SLC24A2: variants seen among roughly 807,000 people sequenced by gnomAD.
The protein encoded by SLC24A2 is solute carrier family 24 member 2.
A neutral mutation model predicts 62.0 loss-of-function variants in SLC24A2; 36 were observed. The ratio of observed to expected loss-of-function variants is 0.58; its 90% CI spans 0.44 to 0.77. The LOEUF (loss-of-function observed/expected upper bound fraction) is 0.77, where lower values mean the gene tolerates loss of function less well. Among genes scored for constraint, SLC24A2 ranks in the 30% least tolerant of loss-of-function variants. The probability of loss-of-function intolerance (pLI) is 0.00; values close to 1 mark genes in which losing one functional copy is unlikely to be tolerated. For synonymous variants in SLC24A2, 358 were observed against 294.0 expected (o/e 1.22, Z -2.23); for missense variants, 846 against 817.9 (o/e 1.03, Z -0.42).
chr9:19,881,029 A>G, the SLC24A2 span, among the ~76,000 whole-genome samples: 4 of 152,322 alleles, frequency 2.6e-5, no homozygotes, highest in African/African-American at 7.2e-5. Flanking sequence ...GTTGAGGATC[A>G]TAATAGAAAC....
chr9:19,565,909 T>C (rs528742661), intron 7 of SLC24A2, among the ~76,000 whole-genome samples: 2,645 of 143,186 alleles, frequency 0.018, 131 homozygotes, highest in African/African-American at 0.076. Flanking sequence ...ACTGGCTCGC[T>C]ATATATAGAA....
At chr9:19,535,493 G>A (rs186280274) in intron 8 of SLC24A2, among the ~76,000 whole-genome samples, 4,744 of 152,106 alleles carry the variant, frequency 0.031, 227 homozygotes, top group African/African-American at 0.11. Context: ...TAGGTCTTAA[G>A]GTGGAGTCTT....
the SLC24A2 span, among the ~76,000 whole-genome samples, chr9:19,836,706 G>T: frequency 6.6e-6 from 1 of 152,114 alleles, no homozygotes; most frequent in East Asian, 1.9e-4. Flanking sequence ...GAAAAAGAGG[G>T]AATCCTCCCT....
At chr9:19,524,137 C>CA (rs57173482) in intron 9 of SLC24A2, among the ~76,000 whole-genome samples, 31,400 of 84,696 alleles carry the variant, frequency 0.37, 5,843 homozygotes, top group East Asian at 0.46. Context: ...ACTTCATTTT[C>CA]AAAAAAAAAA....
intron 2 of SLC24A2, among the ~76,000 whole-genome samples, chr9:19,702,792 G>C (rs1327149995): frequency 6.6e-6 from 1 of 152,092 alleles, no homozygotes; most frequent in Non-Finnish European, 1.5e-5. Flanking sequence ...TATTTAAAAA[G>C]TGAACTTCAT....
chr9:20,161,833 T>A, the SLC24A2 span, among the ~76,000 whole-genome samples: 1 of 151,282 alleles, frequency 6.6e-6, no homozygotes, highest in Non-Finnish European at 1.5e-5. Flanking sequence ...TATATCTTAG[T>A]TAATGAGGAT....
chr9:20,150,464 G>T, the SLC24A2 span, among the ~76,000 whole-genome samples: 1 of 151,820 alleles, frequency 6.6e-6, no homozygotes, highest in Non-Finnish European at 1.5e-5. Context: ...CATTGAATAG[G>T]TTATAAGACA....
At chr9:20,106,929 T>G in the SLC24A2 span, among the ~76,000 whole-genome samples, 4 of 152,228 alleles carry the variant, frequency 2.6e-5, no homozygotes, top group East Asian at 5.8e-4. Context: ...GCAGACGACA[T>G]GATTGTGTAT....
chr9:19,921,264 C>T, the SLC24A2 span, among the ~76,000 whole-genome samples: 1 of 152,028 alleles, frequency 6.6e-6, no homozygotes, highest in Non-Finnish European at 1.5e-5. Context: ...TGGCTCACAC[C>T]TGAAATCCCA....
At chr9:19,668,508 C>A (rs995530917) in intron 2 of SLC24A2, among the ~76,000 whole-genome samples, 1 of 152,204 alleles carries the variant, frequency 6.6e-6, no homozygotes, top group Middle Eastern at 3.2e-3. Context: ...AGAATTCCTA[C>A]TTCCCCTTTA....
the SLC24A2 span, among the ~76,000 whole-genome samples, chr9:20,287,049 G>A: frequency 2.2e-4 from 33 of 152,288 alleles, no homozygotes; most frequent in African/African-American, 7.2e-4. Flanking sequence ...GTAGAGGCCC[G>A]GAGGTCTGCT....
the SLC24A2 span, among the ~76,000 whole-genome samples, chr9:20,019,822 T>A: frequency 6.7e-6 from 1 of 150,048 alleles, no homozygotes; most frequent in Non-Finnish European, 1.5e-5. Context: ...AATCTATCCA[T>A]CTGACAGAGG....
chr9:20,208,840 G>A, the SLC24A2 span, among the ~76,000 whole-genome samples: 12 of 152,186 alleles, frequency 7.9e-5, no homozygotes, highest in Non-Finnish European at 1.8e-4. Context: ...CCAGAAACAG[G>A]AGGAATATTA....
chr9:20,062,240 T>A, the SLC24A2 span, among the ~76,000 whole-genome samples: 2 of 151,658 alleles, frequency 1.3e-5, no homozygotes, highest in African/African-American at 4.9e-5. Flanking sequence ...AAACAATAAA[T>A]AAAAATAAAA....
At chr9:20,255,262 G>C in the SLC24A2 span, among the ~76,000 whole-genome samples, 3 of 152,202 alleles carry the variant, frequency 2.0e-5, no homozygotes, top group African/African-American at 7.2e-5. Context: ...TGACTGCCTA[G>C]AGTACTGCTA....
At chr9:20,159,514 A>G in the SLC24A2 span, among the ~76,000 whole-genome samples, 20 of 151,712 alleles carry the variant, frequency 1.3e-4, no homozygotes, top group African/African-American at 4.3e-4. Flanking sequence ...GATAGAGCAT[A>G]TAACAGATTT....
At chr9:19,994,564 G>C in the SLC24A2 span, among the ~76,000 whole-genome samples, 1 of 152,266 alleles carries the variant, frequency 6.6e-6, no homozygotes, top group South Asian at 2.1e-4. Context: ...TGAGGACCAG[G>C]CTCTTGACTC....
intron 4 of SLC24A2, among the ~76,000 whole-genome samples, chr9:19,611,840 G>A (rs1200652421): frequency 6.6e-6 from 1 of 152,142 alleles, no homozygotes; most frequent in Non-Finnish European, 1.5e-5. Context: ...GCTCTACTAT[G>A]GAGTTACATA....
chr9:20,089,167 C>A, the SLC24A2 span, among the ~76,000 whole-genome samples: 1 of 152,154 alleles, frequency 6.6e-6, no homozygotes, highest in African/African-American at 2.4e-5. Context: ...CTTGCTGTCT[C>A]CAGGCTCTGG....
Sources: allele counts gnomAD v4.1 joint callset (sites outside exome capture counted in the v4.1 genomes callset), GRCh38; gene constraint gnomAD v4.1.1; transcripts MANE v1.5; gene names NCBI Gene and HGNC (gene_info 2026-07-23, HGNC 2026-07-21).